GRM7: variants seen among roughly 807,000 people sequenced by gnomAD.
The protein encoded by GRM7 is metabotropic glutamate receptor 7.
A neutral mutation model predicts 84.5 loss-of-function variants in GRM7; 35 were observed. The ratio of observed to expected loss-of-function variants is 0.41; its 90% CI spans 0.32 to 0.55. The LOEUF is 0.55. Among genes scored for constraint, GRM7 ranks in the 20% least tolerant of loss-of-function variants. The probability of loss-of-function intolerance (pLI) is 0.19; values close to 1 mark genes in which losing one functional copy is unlikely to be tolerated. For missense variants in GRM7, 1,003 were observed against 1,194.6 expected (o/e 0.84, Z 2.36); for synonymous variants, 487 against 455.1 (o/e 1.07, Z -0.89).
At chr3:6,867,865 T>C (rs1443376911) in intron 1 of GRM7, among the ~76,000 whole-genome samples, 2 of 152,110 alleles carry the variant, frequency 1.3e-5, no homozygotes, top group South Asian at 2.1e-4. Context: ...TCAACCTTCT[T>C]CACATTATAT....
intron 1 of GRM7, among the ~76,000 whole-genome samples, chr3:6,937,305 G>A (rs983923902): frequency 3.9e-5 from 6 of 152,274 alleles, no homozygotes; most frequent in Non-Finnish European, 7.4e-5. Flanking sequence ...AAATGATTTC[G>A]TGTATCTTGG....
intron 1 of GRM7, among the ~76,000 whole-genome samples, chr3:7,012,635 A>G (rs1695415185): frequency 6.6e-6 from 1 of 152,184 alleles, no homozygotes; most frequent in Non-Finnish European, 1.5e-5. Flanking sequence ...CTTATTAAGT[A>G]AGAGGTGCCT....
In GRM7 at chr3:7,523,477, C is replaced by T. The variant is rs187124812; in HGVS notation, c.1516-54945C>T. Among the ~76,000 whole-genome samples the T allele has an allele frequency of 4.6e-5, 7 of 152,206 alleles. No homozygotes were observed. In the East Asian group the frequency reaches 1.4e-3, roughly 29 times the overall value. ...AATGCAGACTGGTAAGCAGGCATCT[C>T]CGAGCTGGTAGAAGTGTACACTCCT... On this transcript the variant is annotated intron_variant, in intron 7 of 9. Transcript: ENST00000357716.
chr3:6,927,491 A>T (rs987041338), intron 1 of GRM7, among the ~76,000 whole-genome samples: 14 of 133,408 alleles, frequency 1.0e-4, no homozygotes, highest in Non-Finnish European at 1.4e-4. Flanking sequence ...GAAAGAAAGA[A>T]AGAAAGAAAG....
intron 1 of GRM7, among the ~76,000 whole-genome samples, chr3:7,117,258 A>G (rs1343049442): frequency 6.6e-6 from 1 of 152,148 alleles, no homozygotes; most frequent in African/African-American, 2.4e-5. Context: ...TCAGATGTTG[A>G]AGAAAAAAAG....
At chr3:6,870,038 T>A (rs1695070458) in intron 1 of GRM7, among the ~76,000 whole-genome samples, 1 of 151,958 alleles carries the variant, frequency 6.6e-6, no homozygotes, top group South Asian at 2.1e-4. Context: ...TCTTTTTGCT[T>A]CTCCCTCTCT....
At chr3:7,628,069 A>G (rs1428071862) in intron 8 of GRM7, among the ~76,000 whole-genome samples, 1 of 152,174 alleles carries the variant, frequency 6.6e-6, no homozygotes, top group Admixed American at 6.5e-5. Context: ...CACAGACAAA[A>G]TAATTTACCA....
Position 7,251,811 on chromosome 3 carries a change from G to T in GRM7, c.737-46873G>T, listed in dbSNP as rs546363059. 2.6e-5 allele frequency among the ~76,000 whole-genome samples: 4 copies of T among 152,238 alleles called. No homozygotes were observed. In the East Asian group the frequency reaches 7.7e-4, roughly 29 times the overall value. On this transcript the variant is annotated intron_variant, in intron 2 of 9. Coordinates refer to ENST00000357716, the MANE Select transcript of GRM7 (RefSeq NM_000844.4). Reference sequence around the variant, plus strand: ...ATGTTCTCTGGCAACTGGGATTTAAGGTATTTAAATCTCTTGTGTGAATTA... The same window carrying T: ...ATGTTCTCTGGCAACTGGGATTTAATGTATTTAAATCTCTTGTGTGAATTA...
intron 1 of GRM7, among the ~76,000 whole-genome samples, chr3:6,869,948 G>A (rs1695065731): frequency 6.6e-6 from 1 of 151,742 alleles, no homozygotes; most frequent in Non-Finnish European, 1.5e-5. Flanking sequence ...CCTTCCATGT[G>A]CGCTTTTCTA....
intron 4 of GRM7, among the ~76,000 whole-genome samples, chr3:7,388,448 A>G (rs749807900): frequency 6.6e-6 from 1 of 152,038 alleles, no homozygotes; most frequent in Non-Finnish European, 1.5e-5. Flanking sequence ...GAATGACACT[A>G]GTTTTGTAAA....
At chr3:6,872,631 A>T (rs1215447632) in intron 1 of GRM7, among the ~76,000 whole-genome samples, 1 of 150,892 alleles carries the variant, frequency 6.6e-6, no homozygotes, top group African/African-American at 2.4e-5. Context: ...AACCCCCGAC[A>T]GGCCCCGGTG....
At chr3:7,401,367 C>CATGTAGTGCAA (rs1314520006) in intron 4 of GRM7, among the ~76,000 whole-genome samples, 1 of 152,042 alleles carries the variant, frequency 6.6e-6, no homozygotes, top group Non-Finnish European at 1.5e-5. Context: ...CAGTGTTGAC[C>CATGTAGTGCAA]ACGTTTTGTT....
intron 1 of GRM7, among the ~76,000 whole-genome samples, chr3:6,881,554 G>C (rs2124963256): frequency 6.6e-6 from 1 of 151,548 alleles, no homozygotes; most frequent in East Asian, 1.9e-4. Context: ...TGGGCATTTG[G>C]TCTAATACCC....
intron 8 of GRM7, among the ~76,000 whole-genome samples, chr3:7,661,409 C>G (rs991805060): frequency 1.3e-5 from 2 of 152,130 alleles, no homozygotes; most frequent in East Asian, 3.8e-4. Flanking sequence ...TCCTGCACAC[C>G]TATTAGAAAG....
chr3:7,663,767 T>C (rs1699564594), intron 8 of GRM7, among the ~76,000 whole-genome samples: 1 of 152,234 alleles, frequency 6.6e-6, no homozygotes, highest in Admixed American at 6.5e-5. Flanking sequence ...CATATGCTTC[T>C]GAGACTCAAA....
chr3:7,185,539 G>C (rs1221582149), intron 2 of GRM7, among the ~76,000 whole-genome samples: 3 of 152,074 alleles, frequency 2.0e-5, no homozygotes, highest in African/African-American at 7.2e-5. Context: ...AGGCCATTTT[G>C]CTGCCAACCA....
At chr3:7,076,894 C>T (rs1698101119) in intron 1 of GRM7, among the ~76,000 whole-genome samples, 1 of 152,058 alleles carries the variant, frequency 6.6e-6, no homozygotes, top group East Asian at 1.9e-4. Context: ...AAAGCAACCC[C>T]ATCAAAAAGT....
At chr3:7,377,452 G>A (rs186183335) in intron 4 of GRM7, among the ~76,000 whole-genome samples, 22 of 152,330 alleles carry the variant, frequency 1.4e-4, no homozygotes, top group East Asian at 3.9e-4. Context: ...TTAAGACAGC[G>A]TCTGGAATCA....
At chr3:7,665,472 GC>G (rs1559474125) in intron 8 of GRM7, among the ~76,000 whole-genome samples, 1 of 151,960 alleles carries the variant, frequency 6.6e-6, no homozygotes, top group African/African-American at 2.4e-5. Flanking sequence ...ACCGCGCCCG[GC>G]CTTGCCCATG....
Sources: allele counts gnomAD v4.1 joint callset (sites outside exome capture counted in the v4.1 genomes callset), GRCh38; gene constraint gnomAD v4.1.1; transcripts MANE v1.5; gene names NCBI Gene and HGNC (gene_info 2026-07-23, HGNC 2026-07-21).